Variants in FERMT3 observed in about 807,000 individuals in gnomAD.
FERMT3 encodes the protein fermitin family homolog 3.
A neutral mutation model predicts 80.8 loss-of-function variants in FERMT3; 33 were observed. The ratio of observed to expected loss-of-function variants is 0.41; its 90% CI spans 0.31 to 0.55. The LOEUF (loss-of-function observed/expected upper bound fraction) is 0.55. Among genes scored for constraint, FERMT3 ranks in the 20% least tolerant of loss-of-function variants. The pLI is 0.31. For missense variants in FERMT3, 754 were observed against 908.7 expected, an observed-to-expected ratio of 0.83 and a Z score of 2.19; for synonymous variants, 375 against 372.2, an observed-to-expected ratio of 1.01 and a Z score of -0.09.
At chr11:64,217,976 A>G (rs1946586469) in intron 6 of FERMT3, among the ~76,000 whole-genome samples, 1 of 145,512 alleles carries the variant, frequency 6.9e-6, no homozygotes, top group Admixed American at 6.9e-5. Context: ...TTTGCTCTCC[A>G]TCTTCCAAAT....
At chr11:64,212,283 C>T (rs970544334) in intron 6 of FERMT3, among the ~76,000 whole-genome samples, 1 of 152,256 alleles carries the variant, frequency 6.6e-6, no homozygotes, top group Non-Finnish European at 1.5e-5. Flanking sequence ...GCTTCGCGCA[C>T]ATCTCAAAAA....
At position 64,210,826 on chromosome 11, in the gene FERMT3, G is replaced by C; in HGVS notation, c.376G>C (p.Ala126Pro). ...FSQPLFQAVA[A>P]ICRLLSIRHP... ...CCAGCCCCTCTTCCAGGCTGTGGCT[G>C]CCATCTGCCGCCTCCTCAGTAAGTT... Residue 126 changes from alanine to proline, a missense_variant, in exon 3 of 15, where the codon GCC becomes CCC. Ala to Pro is a conservative substitution (Grantham distance 27, BLOSUM62 -1). Transcript: ENST00000345728. This position sits in a 1 kb window ranked among gnomAD's most constrained non-coding sequence, Gnocchi z 4.3. 1 of 1,612,438 alleles carries C rather than the reference G, an allele frequency of 6.2e-7. No homozygotes were observed. The highest frequency in any genetic ancestry group is 8.5e-7 in the Non-Finnish European group (1 of 1,179,988).
intron 6 of FERMT3, among the ~76,000 whole-genome samples, chr11:64,217,494 A>G (rs190655343): frequency 1.3e-5 from 2 of 152,264 alleles, no homozygotes; most frequent in Non-Finnish European, 2.9e-5. Context: ...GGTTGCGGTG[A>G]GCCAAGATCG....
At chr11:64,208,573 C>T (rs1946368072) in intron 2 of FERMT3, among the ~76,000 whole-genome samples, 1 of 152,240 alleles carries the variant, frequency 6.6e-6, no homozygotes, top group South Asian at 2.1e-4. Flanking sequence ...CCTGGAGCAG[C>T]AGCGGGTGAG....
chr11:64,206,297 T>C (rs1946309882), upstream of FERMT3, among the ~76,000 whole-genome samples: 1 of 152,168 alleles, frequency 6.6e-6, no homozygotes, highest in African/African-American at 2.4e-5. Context: ...TTGATAGGGA[T>C]AGCCAGGCTG....
At chr11:64,220,199 C>T (rs1305607167) in intron 10 of FERMT3, 21 bp from the exon 11 acceptor site, 1 of 1,611,928 alleles carries the variant, frequency 6.2e-7, no homozygotes, top group Non-Finnish European at 8.5e-7. Context: ...ACCTCCTAGA[C>T]CACCCCTTCT....
At chr11:64,223,216 T>C (rs1259568021) in intron 14 of FERMT3, 27 bp downstream of exon 14, 1 of 1,613,520 alleles carries the variant, frequency 6.2e-7, no homozygotes. Context: ...GGTATATGGA[T>C]GGGGGACAGG....
At position 64,210,473 on chromosome 11, in the gene FERMT3, C is replaced by T. The variant is rs1946411277; in HGVS notation, c.161-138C>T. 3 of 849,822 alleles carry T rather than the reference C, an allele frequency of 3.5e-6. No homozygotes were observed. The highest frequency in any genetic ancestry group is 5.8e-6 in the Non-Finnish European group (3 of 521,006). 52.6% of individuals were successfully genotyped at this position (849,822 alleles called of 1,614,324 possible). On this transcript the variant is annotated intron_variant, in intron 2 of 14. Transcript: ENST00000345728. The surrounding 1 kb of genome is among the most constrained non-coding windows in gnomAD (Gnocchi z 4.3). ...CTGTTACCATGGGGTAGACCCCAGG[C>T]CCGCCCAGGCTGCCCCACTCTTGGC...
intron 2 of FERMT3, among the ~76,000 whole-genome samples, chr11:64,208,189 C>T (rs997870210): frequency 6.6e-6 from 1 of 152,168 alleles, no homozygotes; most frequent in Non-Finnish European, 1.5e-5. Context: ...CCTCAGACCC[C>T]GCCAGGCCAC....
intron 6 of FERMT3, among the ~76,000 whole-genome samples, chr11:64,212,889 A>G (rs1946473503): frequency 6.6e-6 from 1 of 151,504 alleles, no homozygotes; most frequent in Non-Finnish European, 1.5e-5. Flanking sequence ...ATTTATTTAT[A>G]TATTTATTTA....
intron 2 of FERMT3, among the ~76,000 whole-genome samples, chr11:64,208,570 C>T (rs1026071094): frequency 6.6e-6 from 1 of 152,240 alleles, no homozygotes; most frequent in African/African-American, 2.4e-5. Context: ...CCTCCTGGAG[C>T]AGCAGCGGGT....
At chr11:64,218,551 T>C (rs997120570) in intron 6 of FERMT3, among the ~76,000 whole-genome samples, 11 of 147,926 alleles carry the variant, frequency 7.4e-5, no homozygotes, top group Non-Finnish European at 1.6e-4. Flanking sequence ...GCTATCTGCC[T>C]GCCTTGGCCT....
chr11:64,210,796 T>C lies in FERMT3; in HGVS notation c.346T>C (p.Phe116Leu), dbSNP rs1946418271. Reference sequence around the variant, plus strand: ...CCGCGCACTGCGCCTCCGTGCCAGCTTCTCCCAGCCCCTCTTCCAGGCTGT... The same window carrying C: ...CCGCGCACTGCGCCTCCGTGCCAGCCTCTCCCAGCCCCTCTTCCAGGCTGT... ...NRRALRLRAS[F>L]SQPLFQAVAA... Residue 116 changes from phenylalanine to leucine, a missense_variant, in exon 3 of 15, where the codon TTC becomes CTC. By Grantham distance (22) the Phe-to-Leu change is conservative. Transcript: ENST00000345728. This position sits in a 1 kb window ranked among gnomAD's most constrained non-coding sequence, Gnocchi z 4.3. 1.2e-6 allele frequency: 2 copies of C among 1,613,882 alleles called. No homozygotes were observed. Among genetic ancestry groups the C allele is most frequent in the Non-Finnish European group, 1.7e-6 (2 of 1,180,006 alleles).
intron 2 of FERMT3, chr11:64,207,787 G>T: frequency 2.2e-6 from 1 of 456,156 alleles, no homozygotes; most frequent in South Asian, 2.6e-5. Context: ...CACCAATAGG[G>T]GCAGAAGGAG....
chr11:64,223,450 A>G lies in FERMT3; in HGVS notation c.1950A>G (p.Glu650=). 1 of 1,612,634 alleles carries G rather than the reference A, an allele frequency of 6.2e-7. No homozygotes were observed. ...RERARGEELD[E]DLFLQLTGGH... ...GGGCCCGTGGGGAGGAGCTGGATGA[A>G]GACCTCTTCCTGCAGCTCACCGGGG... is the stretch of plus-strand genomic sequence containing the variant. The change falls in exon 15 of 15, where the codon GAA becomes GAG. Residue 650 remains glutamate (E), a synonymous_variant. Transcript: ENST00000345728.
intron 6 of FERMT3, among the ~76,000 whole-genome samples, chr11:64,216,075 G>A (rs1946542635): frequency 2.6e-5 from 4 of 151,460 alleles, no homozygotes; most frequent in Non-Finnish European, 4.4e-5. Flanking sequence ...CAAATGATCC[G>A]CCCGCCTCGG....
chr11:64,219,241 C>T lies in FERMT3; in HGVS notation c.787-10C>T, dbSNP rs11603538. The T allele has an allele frequency of 6.4e-7, 1 of 1,574,184 alleles. No homozygotes were observed. Among genetic ancestry groups the T allele is most frequent in the East Asian group, 2.4e-5 (1 of 42,074 alleles). On this transcript the variant is annotated splice_polypyrimidine_tract_variant and intron_variant, in intron 6 of 14. Coordinates refer to ENST00000345728, the MANE Select transcript of FERMT3 (RefSeq NM_031471.6). This position sits in a 1 kb window ranked among gnomAD's most constrained non-coding sequence, Gnocchi z 4.0. ...AGCCCAGCCTCCAGCCTCCTCTCCC[C>T]CCGCTCCAGACAGACCCCGTGCGGC... is the stretch of plus-strand genomic sequence containing the variant.
Position 64,221,182 on chromosome 11 carries a change from C to T in FERMT3, c.1670+42C>T, listed in dbSNP as rs567898395. On this transcript the variant is annotated intron_variant, in intron 13 of 14. Coordinates refer to ENST00000345728, the MANE Select transcript of FERMT3 (RefSeq NM_031471.6). ...AGCCCCCTGCCCAGCACCGTCTCTG[C>T]CCTCACCTGCCACCCGGCTGCTGTG... 6 of 1,581,666 alleles carry T rather than the reference C, an allele frequency of 3.8e-6. No homozygotes were observed. The South Asian group carries it at 6.6e-5, about 17-fold the overall frequency.
chr11:64,215,571 A>G (rs1422618292), intron 6 of FERMT3, among the ~76,000 whole-genome samples: 1 of 151,994 alleles, frequency 6.6e-6, no homozygotes, highest in Non-Finnish European at 1.5e-5. Flanking sequence ...TTATATTTTT[A>G]TCTTTCTTTT....
Sources: allele counts gnomAD v4.1 joint callset (sites outside exome capture counted in the v4.1 genomes callset), GRCh38; gene constraint gnomAD v4.1.1; non-coding constraint Gnocchi (gnomAD v3.1); transcripts MANE v1.5; gene names NCBI Gene and HGNC (gene_info 2026-07-23, HGNC 2026-07-21).